The following DCAF5 variants were observed in gnomAD, a reference collection of about 807,000 sequenced individuals.
DCAF5 encodes DDB1- and CUL4-associated factor 5.
A neutral mutation model predicts 80.7 loss-of-function variants in DCAF5; 9 were observed. That is an observed-to-expected ratio of 0.11 (90% CI 0.07 to 0.19). The LOEUF is 0.19. Among genes scored for constraint, DCAF5 ranks in the 10% least tolerant of loss-of-function variants. DCAF5 has a pLI of 1.00. For synonymous variants in DCAF5, 433 were observed against 461.9 expected (o/e 0.94, Z 0.80); for missense variants, 842 against 1,205.7 (o/e 0.70, Z 4.47).
At chr14:69,150,776 C>T (rs2041678735) in intron 1 of DCAF5, among the ~76,000 whole-genome samples, 1 of 151,962 alleles carries the variant, frequency 6.6e-6, no homozygotes, top group South Asian at 2.1e-4. Flanking sequence ...CCTGTAGTCC[C>T]AGCTACTTGG....
chr14:69,070,478 T>G (rs557768431), intron 7 of DCAF5, among the ~76,000 whole-genome samples: 2 of 152,230 alleles, frequency 1.3e-5, no homozygotes, highest in Non-Finnish European at 2.9e-5. Context: ...AGACATTTTA[T>G]GTAAGAAACT....
chr14:69,078,266 G>C (rs1287165660), intron 6 of DCAF5, among the ~76,000 whole-genome samples: 1 of 152,134 alleles, frequency 6.6e-6, no homozygotes, highest in Non-Finnish European at 1.5e-5. Flanking sequence ...TATACAAATG[G>C]CCACTAAGCA....
At position 69,062,447 on chromosome 14, in the gene DCAF5, G is replaced by A. The variant is rs2038253899; in HGVS notation, c.1011C>T (p.Asn337=). ...MVLKGHRSIV[N]QVRFNPHTYM... ...AGGTGTGGGGATTAAATCGGACTTG[G>A]TTAACAATAGATCGATGCCCTTTCA... The change falls in exon 8 of 9, where the codon AAC becomes AAT. Residue 337 remains asparagine, a synonymous_variant. Coordinates refer to ENST00000341516, the MANE Select transcript of DCAF5 (RefSeq NM_003861.3). 3 of 1,613,876 alleles carry A rather than the reference G, an allele frequency of 1.9e-6. No individual in the cohort carries two copies. The highest frequency in any genetic ancestry group is 2.5e-6 in the Non-Finnish European group (3 of 1,179,926).
intron 1 of DCAF5, among the ~76,000 whole-genome samples, chr14:69,146,610 A>G (rs750706117): frequency 3.3e-5 from 5 of 152,196 alleles, no homozygotes; most frequent in Admixed American, 6.5e-5. Context: ...GGTAGAGGGG[A>G]TATCTTTTAA....
chr14:69,144,805 AAG>A (rs1030629839), intron 1 of DCAF5, among the ~76,000 whole-genome samples: 2 of 152,166 alleles, frequency 1.3e-5, no homozygotes, highest in African/African-American at 4.8e-5. Context: ...ACAAAGGGAA[AAG>A]AGAGAAACAG....
At position 69,105,354 on chromosome 14, in the gene DCAF5, T is replaced by A. The variant is rs2140016871; in HGVS notation, c.665+11012A>T. On this transcript the variant is annotated intron_variant, in intron 5 of 8. Coordinates refer to ENST00000341516, the MANE Select transcript of DCAF5 (RefSeq NM_003861.3). ...AGAATGAGACACTAATACATGTGGA[T>A]GAATCTCAAAAACATGATGCTAAGT... Among the ~76,000 whole-genome samples, 2 of 152,302 alleles carry A rather than the reference T, an allele frequency of 1.3e-5. 1 individual carries two copies. Among genetic ancestry groups the A allele is most frequent in the South Asian group, 4.1e-4 (2 of 4,822 alleles).
chr14:69,105,944 T>TATATATATATATATATATATAAA (rs35270301), intron 5 of DCAF5, among the ~76,000 whole-genome samples: 1 of 85,174 alleles, frequency 1.2e-5, no homozygotes, highest in Non-Finnish European at 3.1e-5. Flanking sequence ...TATATATATA[T>TATATATATATATATATATATAAA]ATCTCCTATT....
At chr14:69,101,362 A>G (rs896892856) in intron 5 of DCAF5, among the ~76,000 whole-genome samples, 2 of 152,228 alleles carry the variant, frequency 1.3e-5, no homozygotes, top group African/African-American at 2.4e-5. Context: ...CCTGCTGACT[A>G]TCTTAGGCAC....
chr14:69,074,189 A>C (rs2038811727), intron 7 of DCAF5, among the ~76,000 whole-genome samples: 1 of 152,204 alleles, frequency 6.6e-6, no homozygotes, highest in Admixed American at 6.5e-5. Context: ...TACTATAGAC[A>C]CGTTTTGTGT....
At chr14:69,088,206 T>G (rs995246294) in intron 6 of DCAF5, among the ~76,000 whole-genome samples, 1 of 152,162 alleles carries the variant, frequency 6.6e-6, no homozygotes, top group African/African-American at 2.4e-5. Context: ...CGCAACAAGT[T>G]GTGATCATTT....
rs200738592 is a variant in DCAF5 at position 69,071,309 on chromosome 14, C to CA, written c.946+4035dup. Among the ~76,000 whole-genome samples, 898 of 151,354 alleles carry CA rather than the reference C, an allele frequency of 5.9e-3. 13 individuals are homozygous for CA. Among genetic ancestry groups the CA allele is most frequent in the South Asian group, 0.028 (135 of 4,796 alleles). On this transcript the variant is annotated intron_variant, in intron 7 of 8. Transcript: ENST00000341516. ...TTTCATCTCTTTGGAGTTTGTATAG[C>CA]AAAAAAAACAAAGACTGATTAACAG...
chr14:69,091,857 G>T lies in DCAF5; in HGVS notation c.696C>A (p.Ser232=). The change falls in exon 6 of 9, where the codon TCC becomes TCA. Residue 232 remains serine (S), a synonymous_variant. Coordinates refer to ENST00000341516, the MANE Select transcript of DCAF5 (RefSeq NM_003861.3). ...ATCGTACACTCATGGCACTTTGGAGGGACAGGTTTCCACCATAGCGCAGGA... is the reference window on the plus strand; with the variant it reads ...ATCGTACACTCATGGCACTTTGGAGTGACAGGTTTCCACCATAGCGCAGGA... The part of the protein sequence containing the change: ...SSLLRYGGNL[S]LQSAMSVRFN... 1.2e-6 allele frequency: 2 copies of T among 1,613,812 alleles called. No homozygotes were observed. The highest frequency in any genetic ancestry group is 1.7e-6 in the Non-Finnish European group (2 of 1,179,878).
chr14:69,109,837 T>C (rs1340007318), intron 5 of DCAF5, among the ~76,000 whole-genome samples: 1 of 152,214 alleles, frequency 6.6e-6, no homozygotes, highest in Admixed American at 6.5e-5. Context: ...TAGATATACT[T>C]AAGAGTGAGA....
Position 69,051,461 on chromosome 14 carries a change from A to ATG in DCAF5, c.*2394_*2395dup, listed in dbSNP as rs1159482705. 1 of 152,182 alleles carries ATG rather than the reference A, an allele frequency of 6.6e-6. No homozygotes were observed. Among genetic ancestry groups the ATG allele is most frequent in the African/African-American group, 2.4e-5 (1 of 41,440 alleles). 9.4% of individuals were successfully genotyped at this position (152,182 alleles called of 1,614,324 possible). A position where few individuals can be genotyped will look rare whatever the true frequency, so the allele number is the denominator to read the frequency against. On this transcript the variant is annotated 3_prime_UTR_variant, in exon 9 of 9. Transcript: ENST00000341516. ...AAAGCAAGCATTTCTCACCCTGCTC[A>ATG]TGTGTGTGTCTTATGGGGCCTATCA...
intron 5 of DCAF5, among the ~76,000 whole-genome samples, chr14:69,106,470 G>A (rs930514966): frequency 2.6e-5 from 4 of 152,102 alleles, no homozygotes; most frequent in Admixed American, 6.6e-5. Context: ...CTGGGCTCAA[G>A]CGATCCTCCT....
intron 5 of DCAF5, among the ~76,000 whole-genome samples, chr14:69,096,622 C>T (rs72718299): frequency 0.024 from 3,641 of 152,204 alleles, 68 homozygotes; most frequent in Middle Eastern, 0.037. Flanking sequence ...GAGCCCAGAA[C>T]GCTTCAACTT....
At chr14:69,070,695 A>C (rs1270775576) in intron 7 of DCAF5, among the ~76,000 whole-genome samples, 1 of 152,206 alleles carries the variant, frequency 6.6e-6, no homozygotes, top group African/African-American at 2.4e-5. Flanking sequence ...CTTCCTACCT[A>C]CTTTAGAGGT....
rs562562815 is a variant in DCAF5, at chr14:69,058,695, C to T, written c.1075-3084G>A. Among the ~76,000 whole-genome samples, 11 of 151,522 alleles carry T rather than the reference C, an allele frequency of 7.3e-5. No individual in the cohort carries two copies. The South Asian group carries it at 2.3e-3, about 32-fold the overall frequency. On this transcript the variant is annotated intron_variant, in intron 8 of 8. Coordinates refer to ENST00000341516, the MANE Select transcript of DCAF5 (RefSeq NM_003861.3). The stretch of plus-strand genomic sequence containing the variant: ...TTTGAGACCAATCTGGACAACATGG[C>T]AAAACCCCGTCTCTACAAAATACAA...
At chr14:69,095,263 C>G (rs1159638223) in intron 5 of DCAF5, among the ~76,000 whole-genome samples, 2 of 151,998 alleles carry the variant, frequency 1.3e-5, no homozygotes, top group Non-Finnish European at 1.5e-5. Context: ...GAAGTGGCCA[C>G]CAATACATTC....
Sources: gnomAD v4.1 joint callset for allele counts (sites outside exome capture counted in the v4.1 genomes callset) on GRCh38, gnomAD v4.1.1 for gene constraint, MANE v1.5 for transcripts, NCBI Gene and HGNC (gene_info 2026-07-23, HGNC 2026-07-21) for gene names.